Variants in KCNH1 observed in about 807,000 individuals in gnomAD.
The protein encoded by KCNH1 is potassium voltage-gated channel subfamily H member 1, also known as voltage-gated delayed rectifier potassium channel KCNH1.
Under a neutral mutation model 69.2 loss-of-function variants are expected in KCNH1, and 27 were observed. That is an observed-to-expected ratio of 0.39 (90% CI 0.29 to 0.54). The LOEUF (loss-of-function observed/expected upper bound fraction) is 0.54. KCNH1 is among the 20% of genes least tolerant of loss of function. The probability of loss-of-function intolerance (pLI) is 0.68; values close to 1 mark genes in which losing one functional copy is unlikely to be tolerated. For synonymous variants in KCNH1, 456 were observed against 487.7 expected (o/e 0.93, Z 0.86); for missense variants, 798 against 1,261.6 (o/e 0.63, Z 5.57).
chr1:211,012,332 A>G (rs1394104939), intron 6 of KCNH1, among the ~76,000 whole-genome samples: 1 of 152,182 alleles, frequency 6.6e-6, no homozygotes, highest in Non-Finnish European at 1.5e-5. Flanking sequence ...TCAAACCCAC[A>G]GCAGAAGGAA....
intron 7 of KCNH1, among the ~76,000 whole-genome samples, chr1:210,856,123 C>T (rs1685830145): frequency 6.6e-6 from 1 of 152,130 alleles, no homozygotes; most frequent in African/African-American, 2.4e-5. Flanking sequence ...GTTCCAAACC[C>T]TTTTGGCAGC....
At chr1:210,861,016 T>C (rs1685966955) in intron 7 of KCNH1, 2 of 1,058,550 alleles carry the variant, frequency 1.9e-6, no homozygotes, top group Non-Finnish European at 3.0e-6. Context: ...CAGCATTGGG[T>C]TCTGTAAGAA....
intron 7 of KCNH1, among the ~76,000 whole-genome samples, chr1:210,884,397 T>C (rs1428543523): frequency 6.6e-6 from 1 of 152,174 alleles, no homozygotes; most frequent in Non-Finnish European, 1.5e-5. Context: ...ATTATCTTAG[T>C]GAGCCTGTGA....
rs189845451 is a variant in KCNH1, at chr1:210,825,225, C to T, written c.1463-21059G>A. 2.6e-5 allele frequency among the ~76,000 whole-genome samples: 4 copies of T among 152,290 alleles called. No individual in the cohort carries two copies. The East Asian group carries it at 5.8e-4, about 22-fold the overall frequency. ...TGGTGTTCTATGAAGACAACAGCTA[C>T]GTCAGCTTGGAATACAATTGCACAA... is the stretch of plus-strand genomic sequence containing the variant. On this transcript the variant is annotated intron_variant, in intron 7 of 10. Coordinates refer to ENST00000271751, the MANE Select transcript of KCNH1 (RefSeq NM_172362.3).
chr1:210,726,942 A>G (rs1682612387), intron 10 of KCNH1, among the ~76,000 whole-genome samples: 1 of 152,164 alleles, frequency 6.6e-6, no homozygotes, highest in African/African-American at 2.4e-5. Context: ...TTATGAATGT[A>G]GTGAGAAACC....
intron 10 of KCNH1, among the ~76,000 whole-genome samples, chr1:210,710,529 A>G (rs1682046476): frequency 6.6e-6 from 1 of 152,212 alleles, no homozygotes; most frequent in Non-Finnish European, 1.5e-5. Flanking sequence ...CAATGTAACA[A>G]TGGCTATGAT....
At chr1:211,034,595 G>A (rs1689860221) in intron 5 of KCNH1, among the ~76,000 whole-genome samples, 2 of 151,844 alleles carry the variant, frequency 1.3e-5, no homozygotes, top group Admixed American at 6.6e-5. Flanking sequence ...AGGCCCATGG[G>A]GTCACTTACA....
At chr1:210,813,082 TGC>T (rs1486466931) in intron 7 of KCNH1, among the ~76,000 whole-genome samples, 1 of 152,244 alleles carries the variant, frequency 6.6e-6, no homozygotes, top group Non-Finnish European at 1.5e-5. Flanking sequence ...TCCAGAATAC[TGC>T]GCTGGTACAT....
chr1:210,775,669 C>A, intron 9 of KCNH1, 125 bp from the exon 10 acceptor site: 1 of 644,758 alleles, frequency 1.6e-6, no homozygotes, highest in South Asian at 2.0e-5. Context: ...TCAGAGAAGG[C>A]AAACACTATT....
intron 6 of KCNH1, among the ~76,000 whole-genome samples, chr1:210,979,697 G>T (rs943247189): frequency 2.6e-5 from 4 of 151,788 alleles, no homozygotes; most frequent in African/African-American, 9.7e-5. Flanking sequence ...GTGTTTTCTG[G>T]TCTTTGAAGC....
At chr1:210,904,404 T>A (rs1687055619) in intron 7 of KCNH1, among the ~76,000 whole-genome samples, 1 of 151,660 alleles carries the variant, frequency 6.6e-6, no homozygotes, top group South Asian at 2.1e-4. Context: ...TCTGGTGGAC[T>A]AGCAGTTGGA....
chr1:211,032,019 C>G (rs1689794903), intron 5 of KCNH1, among the ~76,000 whole-genome samples: 1 of 152,224 alleles, frequency 6.6e-6, no homozygotes, highest in Non-Finnish European at 1.5e-5. Flanking sequence ...ACCTCATCAT[C>G]TCAGCCCAAA....
chr1:210,966,525 T>C (rs115960249), intron 6 of KCNH1, among the ~76,000 whole-genome samples: 3,381 of 149,772 alleles, frequency 0.023, 65 homozygotes, highest in Middle Eastern at 0.037. Context: ...AAAGAACTTA[T>C]TTACAAGAAA....
At chr1:210,724,293 G>A (rs970216917) in intron 10 of KCNH1, among the ~76,000 whole-genome samples, 4 of 152,096 alleles carry the variant, frequency 2.6e-5, no homozygotes, top group Non-Finnish European at 4.4e-5. Flanking sequence ...TGTCTGATGT[G>A]GAGTATTTTT....
intron 9 of KCNH1, among the ~76,000 whole-genome samples, chr1:210,780,104 G>T (rs908425582): frequency 6.6e-6 from 1 of 152,188 alleles, no homozygotes; most frequent in Non-Finnish European, 1.5e-5. Flanking sequence ...TTCAAGAGAT[G>T]CTGGAACTCT....
intron 5 of KCNH1, among the ~76,000 whole-genome samples, chr1:211,074,112 A>AC (rs768940705): frequency 3.3e-3 from 500 of 151,012 alleles, no homozygotes; most frequent in Non-Finnish European, 6.0e-3. Context: ...AAAAAAAAAA[A>AC]AAAAACCTTA....
rs149602511 is a variant in KCNH1, at chr1:210,704,210, G to C, written c.2113-20072C>G. ...TACTGTGAAGTCTGAAGGAAGGGAGGGGGCTGAGGAGCAGTACAATGCTCT... is the reference window on the plus strand; with the variant it reads ...TACTGTGAAGTCTGAAGGAAGGGAGCGGGCTGAGGAGCAGTACAATGCTCT... On this transcript the variant is annotated intron_variant, in intron 10 of 10. Transcript: ENST00000271751. 4.4e-3 allele frequency among the ~76,000 whole-genome samples: 665 copies of C among 152,236 alleles called. 5 individuals carry two copies. Among genetic ancestry groups the C allele is most frequent in the African/African-American group, 0.015 (620 of 41,508 alleles).
intron 9 of KCNH1, among the ~76,000 whole-genome samples, chr1:210,788,992 G>A (rs1162460311): frequency 1.3e-5 from 2 of 148,936 alleles, no homozygotes; most frequent in Non-Finnish European, 2.9e-5. Flanking sequence ...CACCGCGCCC[G>A]GCCTATAGCT....
At chr1:210,811,827 A>C (rs756697130) in intron 7 of KCNH1, among the ~76,000 whole-genome samples, 72 of 152,320 alleles carry the variant, frequency 4.7e-4, no homozygotes, top group Admixed American at 1.6e-3. Flanking sequence ...GAGGTCCAAG[A>C]TCAAAGAAAT....
Sources: gnomAD v4.1 joint callset for allele counts (sites outside exome capture counted in the v4.1 genomes callset) on GRCh38, gnomAD v4.1.1 for gene constraint, MANE v1.5 for transcripts, NCBI Gene and HGNC (gene_info 2026-07-23, HGNC 2026-07-21) for gene names.